The following DST variants were observed in gnomAD, a reference collection of about 807,000 sequenced individuals.
The protein encoded by DST is dystonin, also known as bullous pemphigoid antigen.
DST carries 253 observed loss-of-function variants against 875.2 expected under a neutral mutation model. That is an observed-to-expected ratio of 0.29 (90% CI 0.26 to 0.32). DST has a LOEUF of 0.32. DST is among the 10% of genes least tolerant of loss of function. The pLI is 1.00. For missense variants in DST, 8,287 were observed against 9,111.6 expected, an observed-to-expected ratio of 0.91 and a Z score of 3.68; for synonymous variants, 3,124 against 3,197.1, an observed-to-expected ratio of 0.98 and a Z score of 0.77.
intron 9 of DST, among the ~76,000 whole-genome samples, chr6:56,689,001 G>C (rs1018460539): frequency 2.0e-5 from 3 of 152,138 alleles, no homozygotes; most frequent in African/African-American, 7.2e-5. Flanking sequence ...ATTGCCTCAG[G>C]TAACAGTTCA....
rs2098916435 is a variant in DST at position 56,642,509 on chromosome 6, A to G, written c.1779-6T>C. Reference sequence around the variant, plus strand: ...TCTGTTGCAACATTTCTAACCTAAAAGATGAGACAAAATAAAATAAAGCTT... The same window carrying G: ...TCTGTTGCAACATTTCTAACCTAAAGGATGAGACAAAATAAAATAAAGCTT... On this transcript the variant is annotated splice_polypyrimidine_tract_variant and splice_region_variant and intron_variant, in intron 15 of 103. Coordinates refer to ENST00000680361, the MANE Select transcript of DST (RefSeq NM_001374736.1). 4 of 1,611,816 alleles carry G rather than the reference A, an allele frequency of 2.5e-6. No homozygotes were observed. The highest frequency in any genetic ancestry group is 3.4e-6 in the Non-Finnish European group (4 of 1,178,024).
rs1315342282 is a variant in DST, at chr6:56,470,182, G to A, written c.22422C>T (p.His7474=). The change falls in exon 96 of 104, where the codon CAC becomes CAT. Residue 7474 remains histidine, a synonymous_variant. Transcript: ENST00000680361. ...TAGGTTTATATGCATCTTTATTTGG[G>A]TGAAGGGCTGCTACAAATTCATAGT... is the stretch of plus-strand genomic sequence containing the variant. ...IDYYEFVAAL[H]PNKDAYKPIT... is the part of the protein sequence containing the mutation. The A allele has an allele frequency of 4.3e-6, 7 of 1,612,504 alleles. No individual in the cohort carries two copies. The highest frequency in any genetic ancestry group is 2.2e-5 in the East Asian group (1 of 44,864).
At chr6:56,625,095 T>C (rs1277282406) in intron 35 of DST, 62 bp downstream of exon 35, 2 of 1,189,122 alleles carry the variant, frequency 1.7e-6, no homozygotes, top group Non-Finnish European at 1.3e-6. Context: ...AAAAATAAAA[T>C]TTAAAAAGTA....
chr6:56,674,470 T>C (rs2099118254), intron 9 of DST, among the ~76,000 whole-genome samples: 1 of 152,162 alleles, frequency 6.6e-6, no homozygotes, highest in South Asian at 2.1e-4. Context: ...GCAATTTCTG[T>C]ATTTTTAGTG....
At chr6:56,807,499 A>T (rs1254639782) in intron 4 of DST, among the ~76,000 whole-genome samples, 1 of 152,226 alleles carries the variant, frequency 6.6e-6, no homozygotes, top group Non-Finnish European at 1.5e-5. Context: ...CAACATTTAA[A>T]GCTATCATCA....
At chr6:56,943,946 G>C (rs547491822) in intron 2 of DST, among the ~76,000 whole-genome samples, 1 of 151,800 alleles carries the variant, frequency 6.6e-6, no homozygotes, top group Non-Finnish European at 1.5e-5. Context: ...GTGAAATCTT[G>C]TCTCTACTAA....
intron 2 of DST, among the ~76,000 whole-genome samples, chr6:56,919,710 G>C (rs1223306410): frequency 1.3e-5 from 2 of 152,120 alleles, no homozygotes; most frequent in African/African-American, 4.8e-5. Context: ...ACTTTGGGAG[G>C]CCAAGGCAGG....
rs200006723 is a variant in DST at position 56,627,297 on chromosome 6, T to C, written c.4639-10A>G. On this transcript the variant is annotated splice_polypyrimidine_tract_variant and intron_variant, in intron 33 of 103. Coordinates refer to ENST00000680361, the MANE Select transcript of DST (RefSeq NM_001374736.1). ...TTTCGGACACCAGCATCTATAAATA[T>C]ACACAGTTTAGAACAAAAATGACAA... The C allele has an allele frequency of 3.1e-6, 5 of 1,598,020 alleles. No homozygotes were observed. The highest frequency in any genetic ancestry group is 1.3e-5 in the African/African-American group (1 of 74,786).
intron 4 of DST, among the ~76,000 whole-genome samples, chr6:56,747,116 C>T (rs140184556): frequency 1.1e-3 from 161 of 152,244 alleles, no homozygotes; most frequent in African/African-American, 3.7e-3. Context: ...AATTATACTG[C>T]GTGAAGAGTC....
At chr6:56,524,272 T>C (rs2096757027) in intron 69 of DST, among the ~76,000 whole-genome samples, 1 of 151,588 alleles carries the variant, frequency 6.6e-6, no homozygotes, top group Non-Finnish European at 1.5e-5. Context: ...TACTCTATTC[T>C]TACGTTTCCC....
rs766056397 is a variant in DST at position 56,603,371 on chromosome 6, A to G, written c.10991T>C (p.Met3664Thr). 4 of 1,611,112 alleles carry G rather than the reference A, an allele frequency of 2.5e-6. No individual in the cohort carries two copies. The highest frequency in any genetic ancestry group is 1.7e-5 in the Admixed American group (1 of 59,812). Reference protein sequence around the residue: ...APIAVILRKDMKLAEEFLKSL... With the variant: ...APIAVILRKDTKLAEEFLKSL... ...CTTTAAAAACTCTTCTGCCAACTTC[A>G]TATCTTTTCTTAAAATAACAGCAAT... The change falls in exon 42 of 104, where the codon ATG becomes ACG. Residue 3664 changes from methionine (M) to threonine (T), a missense_variant. Around this residue, in one of 10 missense-constraint regions of DST, gnomAD observed 3,138 missense variants for 3,116.6 expected, o/e 1.01. Transcript: ENST00000680361.
intron 2 of DST, among the ~76,000 whole-genome samples, chr6:56,952,244 C>T (rs1343098843): frequency 6.6e-6 from 1 of 152,146 alleles, no homozygotes; most frequent in Non-Finnish European, 1.5e-5. Flanking sequence ...GATAATTAAA[C>T]AAGACATAGT....
At chr6:56,935,712 G>C (rs1305164937) in intron 2 of DST, among the ~76,000 whole-genome samples, 5 of 152,122 alleles carry the variant, frequency 3.3e-5, no homozygotes, top group African/African-American at 9.7e-5. Context: ...CGGATCACGA[G>C]GTCAAGAGAT....
At chr6:56,507,859 A>T (rs2096372214) in intron 75 of DST, among the ~76,000 whole-genome samples, 1 of 152,150 alleles carries the variant, frequency 6.6e-6, no homozygotes, top group South Asian at 2.1e-4. Flanking sequence ...AGGCAGCAAC[A>T]CAGTAAGAGC....
intron 61 of DST, among the ~76,000 whole-genome samples, chr6:56,541,971 A>G (rs1297224602): frequency 1.3e-5 from 2 of 152,198 alleles, no homozygotes; most frequent in African/African-American, 4.8e-5. Flanking sequence ...TTTTAGTCTG[A>G]TATTTCCAGA....
intron 4 of DST, among the ~76,000 whole-genome samples, chr6:56,764,825 C>T (rs1486365123): frequency 6.6e-6 from 1 of 151,966 alleles, no homozygotes; most frequent in Non-Finnish European, 1.5e-5. Flanking sequence ...TGCATGATGG[C>T]AGATGCCTGT....
intron 3 of DST, among the ~76,000 whole-genome samples, chr6:56,896,141 C>T (rs1220495108): frequency 5.8e-5 from 4 of 69,136 alleles, no homozygotes; most frequent in Non-Finnish European, 1.1e-4. Context: ...GAGAGGGAGA[C>T]GGGAGAGCCT....
chr6:56,873,197 C>A (rs768234853), intron 3 of DST, among the ~76,000 whole-genome samples: 1 of 152,074 alleles, frequency 6.6e-6, no homozygotes, highest in Non-Finnish European at 1.5e-5. Flanking sequence ...GATTATTTGT[C>A]TTTTTGCTCT....
intron 49 of DST, among the ~76,000 whole-genome samples, chr6:56,580,401 T>C (rs558860407): frequency 6.6e-6 from 1 of 151,970 alleles, no homozygotes; most frequent in African/African-American, 2.4e-5. Context: ...AATTAAAAAA[T>C]TAGCCGGGCA....
Sources: allele counts gnomAD v4.1 joint callset (sites outside exome capture counted in the v4.1 genomes callset), GRCh38; gene constraint gnomAD v4.1.1; regional missense constraint gnomAD v4.1.1; transcripts MANE v1.5; gene names NCBI Gene and HGNC (gene_info 2026-07-23, HGNC 2026-07-21).